KHDRBS2: variants seen among roughly 807,000 people sequenced by gnomAD.
KHDRBS2 encodes the protein KH domain-containing, RNA-binding, signal transduction-associated protein 2.
A neutral mutation model predicts 44.3 loss-of-function variants in KHDRBS2; 26 were observed. The observed-to-expected ratio is 0.59, with a 90% confidence interval of 0.43 to 0.81. The LOEUF is 0.81. KHDRBS2 is among the 40% of genes least tolerant of loss of function. The pLI is 0.00. For synonymous variants in KHDRBS2, 194 were observed against 151.1 expected, an observed-to-expected ratio of 1.28 and a Z score of -2.08; for missense variants, 476 against 433.1, an observed-to-expected ratio of 1.10 and a Z score of -0.88.
intron 1 of KHDRBS2, among the ~76,000 whole-genome samples, chr6:62,259,370 G>T: frequency 6.6e-6 from 1 of 151,328 alleles, no homozygotes; most frequent in African/African-American, 2.4e-5. Flanking sequence ...CTTCTATATA[G>T]TATTTCATGC....
intron 6 of KHDRBS2, among the ~76,000 whole-genome samples, chr6:61,781,450 C>A (rs16899598): frequency 0.03 from 4,583 of 152,024 alleles, 243 homozygotes; most frequent in African/African-American, 0.1. Flanking sequence ...CAACTCCATG[C>A]CATAAATAAG....
chr6:62,200,695 G>A (rs191064340), intron 1 of KHDRBS2, among the ~76,000 whole-genome samples: 22 of 152,272 alleles, frequency 1.4e-4, no homozygotes, highest in African/African-American at 5.1e-4. Flanking sequence ...CAGGGATCTA[G>A]AACTAGAAAT....
intron 6 of KHDRBS2, among the ~76,000 whole-genome samples, chr6:61,890,098 C>A (rs1801591807): frequency 6.6e-6 from 1 of 152,108 alleles, no homozygotes. Flanking sequence ...TGTTTATTTT[C>A]TGTCTCTTCC....
At chr6:61,682,669 A>G (rs573778002) in intron 8 of KHDRBS2, among the ~76,000 whole-genome samples, 6 of 152,044 alleles carry the variant, frequency 3.9e-5, no homozygotes, top group East Asian at 2.0e-4. Context: ...GCTTTTACAG[A>G]AAAAGTTTAC....
chr6:62,028,958 T>C (rs1377889151), intron 3 of KHDRBS2, among the ~76,000 whole-genome samples: 5 of 151,986 alleles, frequency 3.3e-5, no homozygotes, highest in Admixed American at 6.6e-5. Flanking sequence ...ACTTTCTCCA[T>C]TGTACAACTA....
intron 4 of KHDRBS2, among the ~76,000 whole-genome samples, chr6:61,927,413 C>T (rs971006446): frequency 6.6e-6 from 1 of 152,040 alleles, no homozygotes; most frequent in Non-Finnish European, 1.5e-5. Context: ...CAATGTTAGT[C>T]ATCAAAATTT....
At chr6:61,591,692 T>C in the KHDRBS2 span, among the ~76,000 whole-genome samples, 200 of 152,276 alleles carry the variant, frequency 1.3e-3, no homozygotes, top group African/African-American at 4.5e-3. Flanking sequence ...CAAGGAGTTA[T>C]TGATTTCCAA....
rs1425709541 is a variant in KHDRBS2 at position 62,161,251 on chromosome 6, T to C, written c.219+15934A>G. Among the ~76,000 whole-genome samples, 12 of 152,068 alleles carry C rather than the reference T, an allele frequency of 7.9e-5. No individual in the cohort carries two copies. In the East Asian group the frequency reaches 1.7e-3, roughly 22 times the overall value. On this transcript the variant is annotated intron_variant, in intron 2 of 8. Transcript: ENST00000281156. Reference sequence around the variant, plus strand: ...AATCTATTCTGTCAATCGCTTTTGATTGGAGAGTTTAAACTGTTTACATTT... The same window carrying C: ...AATCTATTCTGTCAATCGCTTTTGACTGGAGAGTTTAAACTGTTTACATTT...
At chr6:61,722,591 A>T (rs550333625) in intron 7 of KHDRBS2, among the ~76,000 whole-genome samples, 2 of 152,222 alleles carry the variant, frequency 1.3e-5, no homozygotes, top group African/African-American at 4.8e-5. Flanking sequence ...TAAGTCACAC[A>T]TATTCTACTA....
At chr6:61,986,174 T>A (rs1224030610) in intron 3 of KHDRBS2, among the ~76,000 whole-genome samples, 1 of 152,168 alleles carries the variant, frequency 6.6e-6, no homozygotes, top group African/African-American at 2.4e-5. Context: ...CATGAAAAGA[T>A]GAAATGAGGT....
intron 4 of KHDRBS2, among the ~76,000 whole-genome samples, chr6:61,959,088 T>C (rs1768052618): frequency 1.3e-5 from 2 of 152,222 alleles, no homozygotes. Context: ...TTGTCCACAA[T>C]GTTTAAACAT....
At chr6:62,008,058 C>T (rs1173163442) in intron 3 of KHDRBS2, among the ~76,000 whole-genome samples, 1 of 152,088 alleles carries the variant, frequency 6.6e-6, no homozygotes, top group African/African-American at 2.4e-5. Flanking sequence ...TGGAGCTTCA[C>T]AAATTAAAAA....
intron 6 of KHDRBS2, among the ~76,000 whole-genome samples, chr6:61,893,965 C>T (rs1409725450): frequency 1.3e-5 from 2 of 151,560 alleles, no homozygotes; most frequent in South Asian, 4.2e-4. Flanking sequence ...TCCCTTTTTA[C>T]ATATTTCACA....
chr6:61,792,017 TTC>T (rs1385642586), intron 6 of KHDRBS2, among the ~76,000 whole-genome samples: 2 of 151,468 alleles, frequency 1.3e-5, no homozygotes, highest in Non-Finnish European at 3.0e-5. Flanking sequence ...TATTTTTTTC[TTC>T]TCTTTTAATG....
intron 3 of KHDRBS2, among the ~76,000 whole-genome samples, chr6:62,026,462 T>G (rs2127286624): frequency 6.6e-6 from 1 of 150,960 alleles, no homozygotes; most frequent in Middle Eastern, 3.4e-3. Context: ...AGAAAAGGTC[T>G]CATTCTGTTG....
chr6:61,867,615 G>C (rs911899467), intron 6 of KHDRBS2, among the ~76,000 whole-genome samples: 1 of 152,178 alleles, frequency 6.6e-6, no homozygotes, highest in African/African-American at 2.4e-5. Context: ...TGATGTTGCT[G>C]ATCTTTGGAT....
chr6:62,057,846 C>A (rs1790651307), intron 2 of KHDRBS2, among the ~76,000 whole-genome samples: 1 of 151,646 alleles, frequency 6.6e-6, no homozygotes. Flanking sequence ...GTCTATTAAC[C>A]AAAATAATAT....
chr6:62,120,760 T>A (rs183042269), intron 2 of KHDRBS2, among the ~76,000 whole-genome samples: 97 of 152,234 alleles, frequency 6.4e-4, no homozygotes, highest in African/African-American at 2.2e-3. Context: ...GGCCCTTCAA[T>A]CAATTTAGGA....
chr6:62,145,320 T>G (rs1284125041), intron 2 of KHDRBS2, among the ~76,000 whole-genome samples: 1 of 151,612 alleles, frequency 6.6e-6, no homozygotes, highest in Non-Finnish European at 1.5e-5. Flanking sequence ...TAAATTTATT[T>G]TATAGTTTTC....
Sources: gnomAD v4.1 joint callset for allele counts (sites outside exome capture counted in the v4.1 genomes callset) on GRCh38, gnomAD v4.1.1 for gene constraint, MANE v1.5 for transcripts, NCBI Gene and HGNC (gene_info 2026-07-23, HGNC 2026-07-21) for gene names.